MRPL30: variants seen among roughly 807,000 people sequenced by gnomAD.
The protein encoded by MRPL30 is mitochondrial ribosomal protein L30.
In MRPL30, 10 loss-of-function variants were observed where a neutral mutation model predicts 17.2. That is an observed-to-expected ratio of 0.58 (90% confidence interval 0.36 to 0.99). The LOEUF (loss-of-function observed/expected upper bound fraction) is 0.99. Among genes scored for constraint, MRPL30 ranks in the 50% least tolerant of loss-of-function variants. The probability of loss-of-function intolerance (pLI) is 0.01; values close to 1 mark genes in which losing one functional copy is unlikely to be tolerated. For missense variants in MRPL30, 170 were observed against 189.8 expected (o/e 0.90, Z 0.61); for synonymous variants, 61 against 62.1 (o/e 0.98, Z 0.08).
chr2:99,195,973 C>T lies in MRPL30; in HGVS notation c.*268C>T. On this transcript the variant is annotated 3_prime_UTR_variant, in exon 6 of 6. Coordinates refer to ENST00000338148, the MANE Select transcript of MRPL30 (RefSeq NM_145212.4). ...GGCACATGCCTGTAACCCAGCTACT[C>T]GGGAGGCTGAAGCAGGAGAATCACT... 1 of 321,964 alleles carries T rather than the reference C, an allele frequency of 3.1e-6. No individual in the cohort carries two copies. Among genetic ancestry groups the T allele is most frequent in the South Asian group, 2.8e-5 (1 of 36,282 alleles). The allele number at this position is 321,964 out of a possible 1,614,324, so 19.9% of individuals were successfully genotyped here.
At chr2:99,184,041 C>T (rs898186956) in intron 1 of MRPL30, among the ~76,000 whole-genome samples, 3 of 151,886 alleles carry the variant, frequency 2.0e-5, no homozygotes, top group African/African-American at 7.3e-5. Flanking sequence ...TTTGTTCTTT[C>T]TCATTAACTT....
intron 2 of MRPL30, 122 bp downstream of exon 2, chr2:99,186,376 A>G (rs1335561811): frequency 1.2e-6 from 1 of 861,790 alleles, no homozygotes; most frequent in African/African-American, 1.7e-5. Context: ...TCTGTCACCC[A>G]GGCTGGAGTG....
intron 3 of MRPL30, among the ~76,000 whole-genome samples, chr2:99,190,953 A>T (rs955179083): frequency 1.1e-4 from 16 of 152,162 alleles, no homozygotes; most frequent in African/African-American, 3.9e-4. Context: ...GGTTTTGATC[A>T]TCAACTGTGA....
At chr2:99,192,604 A>G (rs1041829577) in intron 3 of MRPL30, among the ~76,000 whole-genome samples, 2 of 152,284 alleles carry the variant, frequency 1.3e-5, no homozygotes, top group East Asian at 3.9e-4. Flanking sequence ...CATGGTGTAT[A>G]TGTACCACAT....
chr2:99,182,635 T>C (rs913830191), intron 1 of MRPL30, among the ~76,000 whole-genome samples: 1 of 152,148 alleles, frequency 6.6e-6, no homozygotes, highest in African/African-American at 2.4e-5. Flanking sequence ...ACTGGGAAAA[T>C]TGAGGATTGC....
At chr2:99,190,507 A>G (rs757544321) in intron 3 of MRPL30, among the ~76,000 whole-genome samples, 1 of 152,068 alleles carries the variant, frequency 6.6e-6, no homozygotes, top group African/African-American at 2.4e-5. Flanking sequence ...GTAGTGAGCC[A>G]TGATCGGATC....
intron 3 of MRPL30, among the ~76,000 whole-genome samples, chr2:99,189,994 A>G (rs2105245581): frequency 6.6e-6 from 1 of 151,614 alleles, no homozygotes; most frequent in African/African-American, 2.4e-5. Context: ...GTGTTGTGGT[A>G]CACACCTGTA....
At position 99,196,912 on chromosome 2, in the gene MRPL30, T is replaced by C. The variant is rs2093955992; in HGVS notation, c.*1207T>C. 1 of 152,362 alleles carries C rather than the reference T, an allele frequency of 6.6e-6. No individual in the cohort carries two copies. Among genetic ancestry groups the C allele is most frequent in the South Asian group, 2.1e-4 (1 of 4,832 alleles). 9.4% of individuals were successfully genotyped at this position (152,362 alleles called of 1,614,324 possible). A position where few individuals can be genotyped will look rare whatever the true frequency, so the allele number is the denominator to read the frequency against. ...TAAATCTAATTTGGCCTAAACTTTA[T>C]TATTGCACACTGCCTGAACAAAACC... On this transcript the variant is annotated 3_prime_UTR_variant, in exon 6 of 6. Coordinates refer to ENST00000338148, the MANE Select transcript of MRPL30 (RefSeq NM_145212.4).
intron 3 of MRPL30, among the ~76,000 whole-genome samples, chr2:99,188,740 G>GCCCA (rs1363628896): frequency 1.3e-5 from 2 of 151,976 alleles, no homozygotes; most frequent in Admixed American, 1.3e-4. Flanking sequence ...TTGCTTTGTT[G>GCCCA]CCCAGGCTGG....
chr2:99,197,934 A>G lies in MRPL30; in HGVS notation c.*2229A>G, dbSNP rs926725192. ...GCTGGGAATACAGGTGTGAGCCACCATACCTGGCCTTACTGTACTAATATT... is the reference window on the plus strand; with the variant it reads ...GCTGGGAATACAGGTGTGAGCCACCGTACCTGGCCTTACTGTACTAATATT... On this transcript the variant is annotated 3_prime_UTR_variant, in exon 6 of 6. Coordinates refer to ENST00000338148, the MANE Select transcript of MRPL30 (RefSeq NM_145212.4). Among the ~76,000 whole-genome samples, 1 of 152,186 alleles carries G rather than the reference A, an allele frequency of 6.6e-6. No individual in the cohort carries two copies. The highest frequency in any genetic ancestry group is 2.4e-5 in the African/African-American group (1 of 41,444).
chr2:99,187,793 A>T (rs908919082), intron 2 of MRPL30, among the ~76,000 whole-genome samples: 1 of 152,054 alleles, frequency 6.6e-6, no homozygotes, highest in African/African-American at 2.4e-5. Flanking sequence ...GCGCCAGTGC[A>T]GTCCAGCCTG....
At chr2:99,194,547 C>T (rs918388841) in intron 3 of MRPL30, among the ~76,000 whole-genome samples, 1 of 152,120 alleles carries the variant, frequency 6.6e-6, no homozygotes, top group Non-Finnish European at 1.5e-5. Context: ...CTGGTTGCTC[C>T]TGCTTTGTTC....
At chr2:99,195,406 G>C in intron 5 of MRPL30, 167 bp from the exon 6 acceptor site, 2 of 859,166 alleles carry the variant, frequency 2.3e-6, no homozygotes, top group Non-Finnish European at 3.6e-6. Context: ...AGGGTAATTG[G>C]CATATCCATC....
Position 99,197,520 on chromosome 2 carries a change from C to A in MRPL30, c.*1815C>A, listed in dbSNP as rs1353309884. The A allele has an allele frequency of 6.6e-6, 1 of 152,184 alleles. No homozygotes were observed. Among genetic ancestry groups the A allele is most frequent in the African/African-American group, 2.4e-5 (1 of 41,438 alleles). The allele number at this position is 152,184 out of a possible 1,614,324, so 9.4% of individuals were successfully genotyped here. A position where few individuals can be genotyped will look rare whatever the true frequency, so the allele number is the denominator to read the frequency against. ...CAAAGGACACTAACTTCTAAGAGCTCCGTCTAGTTGGAGAGAAACCTGTGT... is the reference window on the plus strand; with the variant it reads ...CAAAGGACACTAACTTCTAAGAGCTACGTCTAGTTGGAGAGAAACCTGTGT... On this transcript the variant is annotated 3_prime_UTR_variant, in exon 6 of 6. Coordinates refer to ENST00000338148, the MANE Select transcript of MRPL30 (RefSeq NM_145212.4).
intron 5 of MRPL30, 70 bp from the exon 6 acceptor site, chr2:99,195,502 TA>T: frequency 1.3e-6 from 2 of 1,486,158 alleles, no homozygotes; most frequent in Non-Finnish European, 1.8e-6. Flanking sequence ...TTGTTAACTG[TA>T]GTTATCCTGC....
chr2:99,190,711 A>G (rs556763430), intron 3 of MRPL30, among the ~76,000 whole-genome samples: 72 of 152,316 alleles, frequency 4.7e-4, no homozygotes, highest in African/African-American at 1.3e-3. Context: ...AAAATATGCA[A>G]GGCTAGGCAC....
At chr2:99,195,441 A>G (rs1452275144) in intron 5 of MRPL30, 132 bp from the exon 6 acceptor site, 2 of 1,079,284 alleles carry the variant, frequency 1.9e-6, no homozygotes, top group African/African-American at 1.6e-5. Context: ...CCATTTCTTC[A>G]TGTTGGGAAC....
chr2:99,190,715 T>C (rs990369199), intron 3 of MRPL30, among the ~76,000 whole-genome samples: 1 of 152,184 alleles, frequency 6.6e-6, no homozygotes. Flanking sequence ...TATGCAAGGC[T>C]AGGCACAGGC....
intron 3 of MRPL30, 136 bp downstream of exon 3, chr2:99,188,393 T>C (rs1039773149): frequency 1.5e-6 from 1 of 668,426 alleles, no homozygotes; most frequent in Admixed American, 3.2e-5. Flanking sequence ...GTTTAAAGCA[T>C]AGTGGGATTT....
Sources: allele counts gnomAD v4.1 joint callset (sites outside exome capture counted in the v4.1 genomes callset), GRCh38; gene constraint gnomAD v4.1.1; transcripts MANE v1.5; gene names NCBI Gene and HGNC (gene_info 2026-07-23, HGNC 2026-07-21).